MECOM: variants seen among roughly 807,000 people sequenced by gnomAD.
MECOM encodes MDS1 and EVI1 complex locus, also known as histone-lysine N-methyltransferase MECOM.
A neutral mutation model predicts 116.3 loss-of-function variants in MECOM; 13 were observed. That is an observed-to-expected ratio of 0.11 (90% CI 0.07 to 0.18). MECOM has a LOEUF of 0.18. MECOM is among the 10% of genes least tolerant of loss of function. The pLI is 1.00. For missense variants in MECOM, 1,299 were observed against 1,509.0 expected, an observed-to-expected ratio of 0.86 and a Z score of 2.31; for synonymous variants, 528 against 535.2, an observed-to-expected ratio of 0.99 and a Z score of 0.19.
intron 16 of MECOM, among the ~76,000 whole-genome samples, chr3:169,087,519 C>T (rs1233587383): frequency 6.6e-6 from 1 of 152,052 alleles, no homozygotes; most frequent in Non-Finnish European, 1.5e-5. Flanking sequence ...ATCACTTGAG[C>T]CCAGCAAGTC....
At chr3:169,203,863 T>C (rs1749535975) in intron 2 of MECOM, among the ~76,000 whole-genome samples, 1 of 152,200 alleles carries the variant, frequency 6.6e-6, no homozygotes, top group South Asian at 2.1e-4. Context: ...TTAGCAGATA[T>C]GTTTCCCAAT....
At chr3:169,566,274 A>C (rs748998738) in intron 1 of MECOM, among the ~76,000 whole-genome samples, 3 of 152,108 alleles carry the variant, frequency 2.0e-5, no homozygotes, top group Non-Finnish European at 2.9e-5. Context: ...AAGAGTTTTA[A>C]GAGACTAATA....
At chr3:169,396,900 G>C (rs1735104685) in intron 1 of MECOM, among the ~76,000 whole-genome samples, 1 of 152,150 alleles carries the variant, frequency 6.6e-6, no homozygotes, top group Non-Finnish European at 1.5e-5. Context: ...ATGAACCCAG[G>C]AGGCGCATGT....
intron 1 of MECOM, among the ~76,000 whole-genome samples, chr3:169,440,344 A>C (rs1743400300): frequency 6.6e-6 from 1 of 152,172 alleles, no homozygotes; most frequent in Non-Finnish European, 1.5e-5. Flanking sequence ...GAAATGCTTT[A>C]ATAGACAGAG....
Position 169,585,926 on chromosome 3 carries a change from A to G in MECOM, c.37+77410T>C, listed in dbSNP as rs182011425. ...GAACATTCTTAGCAGGTGGTTCTGT[A>G]TCCTGGGAGGCAAATCCATATTAAT... is the stretch of plus-strand genomic sequence containing the variant. On this transcript the variant is annotated intron_variant, in intron 1 of 16. Transcript: ENST00000651503. Among the ~76,000 whole-genome samples the G allele has an allele frequency of 5.8e-3, 880 of 152,334 alleles. 8 individuals are homozygous for G. Among genetic ancestry groups the G allele is most frequent in the African/African-American group, 0.02 (820 of 41,572 alleles).
intron 1 of MECOM, among the ~76,000 whole-genome samples, chr3:169,610,042 T>C (rs779836885): frequency 6.6e-6 from 1 of 152,224 alleles, no homozygotes; most frequent in Non-Finnish European, 1.5e-5. Context: ...TCATTTTCTA[T>C]TCTGAACCCT....
chr3:169,526,014 C>T (rs907634591), intron 1 of MECOM, among the ~76,000 whole-genome samples: 17 of 143,188 alleles, frequency 1.2e-4, no homozygotes, highest in South Asian at 4.4e-4. Context: ...GGCATAAGAG[C>T]GAAAACCCCA....
intron 1 of MECOM, among the ~76,000 whole-genome samples, chr3:169,436,158 G>A (rs1742589388): frequency 6.6e-6 from 1 of 151,002 alleles, no homozygotes; most frequent in South Asian, 2.1e-4. Context: ...TTACATAGCT[G>A]AGGAAGAAAT....
At chr3:169,389,137 T>C (rs1733849226) in intron 1 of MECOM, among the ~76,000 whole-genome samples, 1 of 152,212 alleles carries the variant, frequency 6.6e-6, no homozygotes, top group Admixed American at 6.5e-5. Context: ...TTTCACTAAA[T>C]AAATATGATT....
chr3:169,481,723 C>T (rs1424186793), intron 1 of MECOM, among the ~76,000 whole-genome samples: 2 of 151,758 alleles, frequency 1.3e-5, no homozygotes, highest in Non-Finnish European at 2.9e-5. Context: ...GGACATTTCC[C>T]TAGACACAAC....
At chr3:169,318,422 A>G (rs1336038350) in intron 2 of MECOM, among the ~76,000 whole-genome samples, 1 of 152,158 alleles carries the variant, frequency 6.6e-6, no homozygotes, top group Non-Finnish European at 1.5e-5. Flanking sequence ...AATTTACAAG[A>G]AAAAAACAAA....
Position 169,168,603 on chromosome 3 carries a change from C to T in MECOM, c.376-24771G>A, listed in dbSNP as rs1170884174. ...GAATTAAAAGTTCTATATGACTCTACATGTAATCTTTTTTTAAAAAAGAAA... is the reference window on the plus strand; with the variant it reads ...GAATTAAAAGTTCTATATGACTCTATATGTAATCTTTTTTTAAAAAAGAAA... On this transcript the variant is annotated intron_variant, in intron 2 of 16. Transcript: ENST00000651503. Among the ~76,000 whole-genome samples the T allele has an allele frequency of 3.3e-5, 5 of 151,928 alleles. No homozygotes were observed. The East Asian group carries it at 9.6e-4, about 29-fold the overall frequency.
At chr3:169,503,618 TTA>T (rs770923603) in intron 1 of MECOM, among the ~76,000 whole-genome samples, 18 of 152,332 alleles carry the variant, frequency 1.2e-4, no homozygotes, top group Admixed American at 8.5e-4. Context: ...GAAATTTAAC[TTA>T]TATCAATCAA....
At chr3:169,401,477 C>T (rs1043770626) in intron 1 of MECOM, among the ~76,000 whole-genome samples, 2 of 152,312 alleles carry the variant, frequency 1.3e-5, no homozygotes, top group East Asian at 1.9e-4. Flanking sequence ...AAATACCTGG[C>T]CTCATTCTTG....
chr3:169,092,709 C>T (rs1020823881), intron 14 of MECOM, among the ~76,000 whole-genome samples: 4 of 152,058 alleles, frequency 2.6e-5, no homozygotes, highest in Admixed American at 2.0e-4. Flanking sequence ...ATGGTTTAAG[C>T]TTCAATGTCT....
chr3:169,162,394 A>C (rs1299775640), intron 2 of MECOM, among the ~76,000 whole-genome samples: 1 of 152,194 alleles, frequency 6.6e-6, no homozygotes, highest in Admixed American at 6.5e-5. Context: ...AAATAGTACA[A>C]GACTGTACGT....
intron 1 of MECOM, among the ~76,000 whole-genome samples, chr3:169,431,374 C>G (rs1014576759): frequency 1.3e-5 from 2 of 152,168 alleles, no homozygotes; most frequent in Non-Finnish European, 2.9e-5. Flanking sequence ...CATAGATGTC[C>G]TGATAATTGT....
At chr3:169,376,808 A>G (rs1731121781) in intron 2 of MECOM, among the ~76,000 whole-genome samples, 1 of 152,214 alleles carries the variant, frequency 6.6e-6, no homozygotes, top group African/African-American at 2.4e-5. Flanking sequence ...GACTTTCTTC[A>G]CAGAATTAGA....
intron 2 of MECOM, among the ~76,000 whole-genome samples, chr3:169,378,469 GCAAGCAA>G (rs1731618805): frequency 1.8e-5 from 1 of 54,462 alleles, no homozygotes; most frequent in Non-Finnish European, 3.0e-5. Context: ...AAGCAAGCAA[GCAAGCAA>G]GAAAGAGAGA....
Sources: allele counts gnomAD v4.1 joint callset (sites outside exome capture counted in the v4.1 genomes callset), GRCh38; gene constraint gnomAD v4.1.1; transcripts MANE v1.5; gene names NCBI Gene and HGNC (gene_info 2026-07-23, HGNC 2026-07-21).